Variants in RABGAP1L observed in about 807,000 individuals in gnomAD.
RABGAP1L encodes rab GTPase-activating protein 1-like.
A neutral mutation model predicts 137.7 loss-of-function variants in RABGAP1L; 63 were observed. The ratio of observed to expected loss-of-function variants is 0.46; its 90% confidence interval spans 0.37 to 0.56. RABGAP1L has a LOEUF of 0.56. Among genes scored for constraint, RABGAP1L ranks in the 20% least tolerant of loss-of-function variants. RABGAP1L has a pLI of 0.00. For synonymous variants in RABGAP1L, 431 were observed against 433.7 expected, an observed-to-expected ratio of 0.99 and a Z score of 0.08; for missense variants, 1,095 against 1,244.0, an observed-to-expected ratio of 0.88 and a Z score of 1.80.
chr1:174,703,331 T>C (rs989753927), intron 17 of RABGAP1L, among the ~76,000 whole-genome samples: 1 of 152,198 alleles, frequency 6.6e-6, no homozygotes, highest in South Asian at 2.1e-4. Flanking sequence ...TGTATACACA[T>C]TATTTGGCAG....
At chr1:174,423,435 TTATTC>T (rs1651585945) in intron 13 of RABGAP1L, among the ~76,000 whole-genome samples, 1 of 152,156 alleles carries the variant, frequency 6.6e-6, no homozygotes, top group Non-Finnish European at 1.5e-5. Flanking sequence ...TTTTGCTTCT[TTATTC>T]TGTTCTGGAA....
chr1:174,280,542 A>AT (rs1282110426), intron 10 of RABGAP1L, among the ~76,000 whole-genome samples: 3 of 151,986 alleles, frequency 2.0e-5, no homozygotes, highest in East Asian at 3.9e-4. Context: ...TTCCCAAACT[A>AT]TTTTTTCTTG....
At chr1:174,979,766 A>C (rs537162762) in intron 23 of RABGAP1L, among the ~76,000 whole-genome samples, 1 of 152,214 alleles carries the variant, frequency 6.6e-6, no homozygotes, top group Non-Finnish European at 1.5e-5. Flanking sequence ...GGTCTCAGAA[A>C]GCCCTCTTTC....
intron 13 of RABGAP1L, among the ~76,000 whole-genome samples, chr1:174,429,977 T>C (rs1472816159): frequency 6.6e-6 from 1 of 152,182 alleles, no homozygotes; most frequent in African/African-American, 2.4e-5. Flanking sequence ...AAGGAACATA[T>C]GAAACTAAAG....
At chr1:174,803,281 T>C (rs1349977981) in intron 18 of RABGAP1L, among the ~76,000 whole-genome samples, 1 of 152,246 alleles carries the variant, frequency 6.6e-6, no homozygotes, top group Non-Finnish European at 1.5e-5. Context: ...CTTGTTACCC[T>C]TCAAAGGTAC....
At chr1:174,514,036 G>T (rs539287408) in intron 13 of RABGAP1L, among the ~76,000 whole-genome samples, 1 of 152,160 alleles carries the variant, frequency 6.6e-6, no homozygotes, top group South Asian at 2.1e-4. Flanking sequence ...TTTTAAAGAT[G>T]AAGGTTCAGC....
intron 13 of RABGAP1L, among the ~76,000 whole-genome samples, chr1:174,602,611 TAGGCA>T (rs1415531136): frequency 1.1e-4 from 17 of 152,202 alleles, no homozygotes; most frequent in Non-Finnish European, 2.4e-4. Flanking sequence ...TTAGATCTTG[TAGGCA>T]TGCTCCATTG....
In RABGAP1L at chr1:174,811,698, T is replaced by G. The variant is rs867635073; in HGVS notation, c.2212-134T>G. The G allele has an allele frequency of 7.5e-5, 64 of 852,634 alleles. 2 individuals carry two copies. In the Middle Eastern group the frequency reaches 5.2e-3, roughly 69 times the overall value. The allele number at this position is 852,634 out of a possible 1,614,324, so 52.8% of individuals were successfully genotyped here. ...TAAATATTGAAATGTTAGAAATATC[T>G]TCTTAAAATGTTTGGAACTAACTTA... On this transcript the variant is annotated intron_variant, in intron 18 of 25. Coordinates refer to ENST00000681986, the MANE Select transcript of RABGAP1L (RefSeq NM_001366446.1).
At chr1:174,445,508 G>T (rs957047023) in intron 13 of RABGAP1L, among the ~76,000 whole-genome samples, 1 of 152,148 alleles carries the variant, frequency 6.6e-6, no homozygotes, top group East Asian at 1.9e-4. Context: ...TGGTACAGTA[G>T]TGTTAGTTCT....
chr1:174,868,928 GA>G (rs1207999122), intron 19 of RABGAP1L, among the ~76,000 whole-genome samples: 1 of 151,828 alleles, frequency 6.6e-6, no homozygotes, highest in African/African-American at 2.4e-5. Context: ...GTTGTTTATG[GA>G]AAATTGGTAG....
intron 14 of RABGAP1L, among the ~76,000 whole-genome samples, chr1:174,643,548 T>C (rs574151617): frequency 2.0e-5 from 3 of 152,276 alleles, no homozygotes; most frequent in Admixed American, 6.5e-5. Context: ...TCAGGTCTTA[T>C]AAGAAAGACT....
intron 10 of RABGAP1L, among the ~76,000 whole-genome samples, chr1:174,295,202 C>A (rs1247354117): frequency 6.6e-6 from 1 of 151,678 alleles, no homozygotes. Flanking sequence ...CAGGCATGAG[C>A]CACTGCGCCC....
chr1:174,384,042 A>T (rs1558187993), intron 12 of RABGAP1L, among the ~76,000 whole-genome samples: 1 of 152,214 alleles, frequency 6.6e-6, no homozygotes, highest in Non-Finnish European at 1.5e-5. Flanking sequence ...GTCCGTCAAA[A>T]GTAAATGGAT....
chr1:174,622,367 G>T (rs926956302), intron 13 of RABGAP1L, among the ~76,000 whole-genome samples: 6 of 152,144 alleles, frequency 3.9e-5, no homozygotes, highest in African/African-American at 1.4e-4. Context: ...TATACCCAAA[G>T]GACTATAAAT....
At chr1:174,749,175 CA>C (rs199615357) in intron 17 of RABGAP1L, among the ~76,000 whole-genome samples, 54,486 of 118,670 alleles carry the variant, frequency 0.46, 10,191 homozygotes, top group African/African-American at 0.51. Flanking sequence ...GACTCTGTCT[CA>C]AAAAAAAAAA....
intron 13 of RABGAP1L, among the ~76,000 whole-genome samples, chr1:174,458,270 G>T (rs1235812666): frequency 1.3e-5 from 2 of 151,632 alleles, no homozygotes; most frequent in Non-Finnish European, 2.9e-5. Flanking sequence ...TCATGGAAAT[G>T]TTATGTTCTA....
intron 7 of RABGAP1L, among the ~76,000 whole-genome samples, chr1:174,256,504 T>C (rs1422045340): frequency 6.6e-6 from 1 of 152,202 alleles, no homozygotes; most frequent in African/African-American, 2.4e-5. Flanking sequence ...GAAAATATGC[T>C]GGGCGCGGTG....
intron 17 of RABGAP1L, among the ~76,000 whole-genome samples, chr1:174,734,215 TAGTG>T (rs1682743312): frequency 6.6e-6 from 1 of 152,004 alleles, no homozygotes; most frequent in African/African-American, 2.4e-5. Context: ...TCAGAGGAGA[TAGTG>T]AGGCTAAAAC....
At chr1:174,871,552 T>C (rs2149054916) in intron 19 of RABGAP1L, among the ~76,000 whole-genome samples, 1 of 152,328 alleles carries the variant, frequency 6.6e-6, no homozygotes, top group Admixed American at 6.5e-5. Context: ...TGCCAGTATA[T>C]AACATAATGC....
Sources: allele counts gnomAD v4.1 joint callset (sites outside exome capture counted in the v4.1 genomes callset), GRCh38; gene constraint gnomAD v4.1.1; transcripts MANE v1.5; gene names NCBI Gene and HGNC (gene_info 2026-07-23, HGNC 2026-07-21).